SAP130: variants seen among roughly 807,000 people sequenced by gnomAD.
The protein encoded by SAP130 is histone deacetylase complex subunit SAP130.
A neutral mutation model predicts 103.2 loss-of-function variants in SAP130; 16 were observed. The observed-to-expected ratio is 0.16, with a 90% CI of 0.10 to 0.24. The LOEUF (loss-of-function observed/expected upper bound fraction) is 0.24. Among genes scored for constraint, SAP130 ranks in the 10% least tolerant of loss-of-function variants. The probability of loss-of-function intolerance (pLI) is 1.00; values close to 1 mark genes in which losing one functional copy is unlikely to be tolerated. For missense variants in SAP130, 990 were observed against 1,359.7 expected (o/e 0.73, Z 4.28); for synonymous variants, 477 against 497.0 (o/e 0.96, Z 0.53).
chr2:127,968,524 G>A (rs749740209), intron 15 of SAP130, among the ~76,000 whole-genome samples: 3 of 145,882 alleles, frequency 2.1e-5, no homozygotes, highest in African/African-American at 5.1e-5. Context: ...GCAAAACTCC[G>A]TCTCAAAAAC....
chr2:127,987,269 C>A (rs981496415), intron 13 of SAP130, among the ~76,000 whole-genome samples: 1 of 152,180 alleles, frequency 6.6e-6, no homozygotes, highest in Admixed American at 6.5e-5. Flanking sequence ...ACTGCAACCT[C>A]CACCTCCCAG....
At chr2:127,954,696 C>T (rs975829215) in intron 16 of SAP130, among the ~76,000 whole-genome samples, 1 of 152,148 alleles carries the variant, frequency 6.6e-6, no homozygotes, top group Non-Finnish European at 1.5e-5. Flanking sequence ...CTTAATACTA[C>T]TAGGCATGGA....
At chr2:127,983,585 C>A (rs1025342157) in intron 14 of SAP130, among the ~76,000 whole-genome samples, 26 of 152,174 alleles carry the variant, frequency 1.7e-4, no homozygotes, top group African/African-American at 6.3e-4. Context: ...AAAGAAGAGA[C>A]AAGGGCACTG....
chr2:127,968,567 G>GGCTGGAGT (rs1383489874), intron 15 of SAP130, among the ~76,000 whole-genome samples: 1 of 151,338 alleles, frequency 6.6e-6, no homozygotes, highest in Admixed American at 6.6e-5. Context: ...CTGTTGCCCA[G>GGCTGGAGT]GCTGGAGTGC....
At chr2:127,976,925 T>C (rs181095370) in intron 15 of SAP130, among the ~76,000 whole-genome samples, 17 of 151,894 alleles carry the variant, frequency 1.1e-4, no homozygotes, top group African/African-American at 2.9e-4. Flanking sequence ...ACAAAAAGAA[T>C]CTATCAATCT....
chr2:127,989,838 G>C lies in SAP130; in HGVS notation c.1506C>G (p.Ile502Met), dbSNP rs760375598. The C allele has an allele frequency of 6.2e-7, 1 of 1,614,006 alleles. No individual in the cohort carries two copies. The change falls in exon 13 of 21, where the codon ATC becomes ATG. Residue 502 changes from isoleucine to methionine, a missense_variant. Ile to Met is a conservative substitution (Grantham distance 10). Coordinates refer to ENST00000643581, the MANE Select transcript of SAP130 (RefSeq NM_001330301.2). The surrounding 1 kb of genome is among the most constrained non-coding windows in gnomAD (Gnocchi z 4.6). ...CTACCCCAACACCAGTCTGAGCTGT[G>C]ATGGCAGAGTTTGGAGCCTGAGCTG... The part of the protein sequence containing the change: ...PVSAQAPNSA[I>M]TAQTGVGVAS...
Position 127,941,708 on chromosome 2 carries a change from A to G in SAP130, c.*298T>C. On this transcript the variant is annotated 3_prime_UTR_variant, in exon 21 of 21. Transcript: ENST00000643581. ...TCTATAAACCGGAAGGCTGAAAAAC[A>G]CCAGCCAGCCATCCTTGTCATTGCT... is the stretch of plus-strand genomic sequence containing the variant. The G allele has an allele frequency of 2.6e-6, 1 of 389,848 alleles. No homozygotes were observed. The highest frequency in any genetic ancestry group is 6.3e-5 in the East Asian group (1 of 15,964). The allele number at this position is 389,848 out of a possible 1,614,324, so 24.1% of individuals were successfully genotyped here. A position where few individuals can be genotyped will look rare whatever the true frequency, so the allele number is the denominator to read the frequency against.
chr2:127,996,303 C>T lies in SAP130; in HGVS notation c.1355+47G>A, dbSNP rs764187659. ...TTTGTTTTATGCTGATAAAGCAGAA[C>T]GATTAATGACACAGTGAGGCAGAAT... On this transcript the variant is annotated intron_variant, in intron 11 of 20. Transcript: ENST00000643581. This position sits in a 1 kb window ranked among gnomAD's most constrained non-coding sequence, Gnocchi z 4.3. The T allele has an allele frequency of 2.7e-5, 40 of 1,487,062 alleles. No homozygotes were observed. The highest frequency in any genetic ancestry group is 7.1e-5 in the African/African-American group (5 of 70,754). The allele number at this position is 1,487,062 out of a possible 1,614,324, so 92.1% of individuals were successfully genotyped here. A position where few individuals can be genotyped will look rare whatever the true frequency, so the allele number is the denominator to read the frequency against.
At chr2:127,965,691 A>G (rs1374480532) in intron 15 of SAP130, among the ~76,000 whole-genome samples, 1 of 151,650 alleles carries the variant, frequency 6.6e-6, no homozygotes, top group Non-Finnish European at 1.5e-5. Context: ...TCGGGAGGCT[A>G]AGGCATGAGA....
At position 127,944,901 on chromosome 2, in the gene SAP130, C is replaced by CAAAA. The variant is rs1188253573; in HGVS notation, c.2901+551_2901+554dup. On this transcript the variant is annotated intron_variant, in intron 19 of 20. Transcript: ENST00000643581. Reference sequence around the variant, plus strand: ...TGGGTAACAGAGCAAGACCTTGTCTCAAAAAAAAAAAAAAAAAAAAAAAGA... The same window carrying CAAAA: ...TGGGTAACAGAGCAAGACCTTGTCTCAAAAAAAAAAAAAAAAAAAAAAAAAAAGA... Among the ~76,000 whole-genome samples, 477 of 77,472 alleles carry CAAAA rather than the reference C, an allele frequency of 6.2e-3. 8 individuals are homozygous for CAAAA. Among genetic ancestry groups the CAAAA allele is most frequent in the African/African-American group, 0.022 (432 of 19,512 alleles). 50.8% of individuals were successfully genotyped at this position (77,472 alleles called of 152,430 possible).
intron 12 of SAP130, among the ~76,000 whole-genome samples, chr2:127,991,133 C>T (rs1418192353): frequency 6.6e-6 from 1 of 151,894 alleles, no homozygotes; most frequent in African/African-American, 2.4e-5. Context: ...ACCTATAATA[C>T]TATCCACTGG....
chr2:128,014,365 A>G (rs561175625), intron 5 of SAP130, among the ~76,000 whole-genome samples: 74 of 148,578 alleles, frequency 5.0e-4, no homozygotes, highest in African/African-American at 1.7e-3. Context: ...CCATCCTCCC[A>G]TCTCAGCCTC....
intron 2 of SAP130, among the ~76,000 whole-genome samples, chr2:128,019,858 G>A (rs1685034584): frequency 6.6e-6 from 1 of 151,426 alleles, no homozygotes; most frequent in Non-Finnish European, 1.5e-5. Context: ...CAGCCTGGGG[G>A]ACAAGAGCAA....
chr2:128,008,373 CT>C (rs573057839), intron 7 of SAP130, among the ~76,000 whole-genome samples: 2 of 151,518 alleles, frequency 1.3e-5, no homozygotes, highest in African/African-American at 4.9e-5. Flanking sequence ...TTTCTTGCTT[CT>C]TTTTTTTCAG....
rs547503350 is a variant in SAP130 at position 127,989,153 on chromosome 2, C to T, written c.1780+411G>A. On this transcript the variant is annotated intron_variant, in intron 13 of 20. Coordinates refer to ENST00000643581, the MANE Select transcript of SAP130 (RefSeq NM_001330301.2). The surrounding 1 kb of genome is among the most constrained non-coding windows in gnomAD (Gnocchi z 4.6). ...TCACTCTGTGGCCCAGGCTGGAGTGCAGTGGCGTGATCTCGGCTCACTGCA... is the reference window on the plus strand; with the variant it reads ...TCACTCTGTGGCCCAGGCTGGAGTGTAGTGGCGTGATCTCGGCTCACTGCA... 7.7e-4 allele frequency among the ~76,000 whole-genome samples: 116 copies of T among 151,230 alleles called. 2 individuals are homozygous for T. Among genetic ancestry groups the T allele is most frequent in the East Asian group, 3.9e-4 (2 of 5,116 alleles).
chr2:127,979,968 C>T (rs909256505), intron 14 of SAP130, among the ~76,000 whole-genome samples: 9 of 151,670 alleles, frequency 5.9e-5, no homozygotes, highest in African/African-American at 2.2e-4. Context: ...ATCTCCGCCT[C>T]CTGGGTTCAA....
At chr2:127,943,270 T>C (rs1678835511) in intron 19 of SAP130, among the ~76,000 whole-genome samples, 1 of 152,240 alleles carries the variant, frequency 6.6e-6, no homozygotes, top group Non-Finnish European at 1.5e-5. Flanking sequence ...TATGAGGTTG[T>C]TGCCTCCTCT....
At chr2:127,950,528 T>A in intron 16 of SAP130, 120 bp from the exon 17 acceptor site, 2 of 1,166,174 alleles carry the variant, frequency 1.7e-6, no homozygotes, top group Non-Finnish European at 2.4e-6. Context: ...ATTTATTGTC[T>A]TCCTATGTGT....
chr2:127,993,145 A>T (rs1239917657), intron 12 of SAP130, 42 bp downstream of exon 12: 1 of 1,608,676 alleles, frequency 6.2e-7, no homozygotes, highest in Non-Finnish European at 8.5e-7. Context: ...TTGTTGGCAA[A>T]AGTTAAACTG....
Sources: allele counts gnomAD v4.1 joint callset (sites outside exome capture counted in the v4.1 genomes callset), GRCh38; gene constraint gnomAD v4.1.1; non-coding constraint Gnocchi (gnomAD v3.1); transcripts MANE v1.5; gene names NCBI Gene and HGNC (gene_info 2026-07-23, HGNC 2026-07-21).